The following NALF1 variants were observed in gnomAD, a reference collection of about 807,000 sequenced individuals.
NALF1 encodes the protein NALCN channel auxiliary factor 1.
NALF1 carries 3 observed loss-of-function variants against 48.4 expected under a neutral mutation model. That is an observed-to-expected ratio of 0.06 (90% CI 0.03 to 0.16). NALF1 has a LOEUF of 0.16. Among genes scored for constraint, NALF1 ranks in the 10% least tolerant of loss-of-function variants. NALF1 has a pLI of 1.00. For missense variants in NALF1, 526 were observed against 571.5 expected, an observed-to-expected ratio of 0.92 and a Z score of 0.81; for synonymous variants, 262 against 245.7, an observed-to-expected ratio of 1.07 and a Z score of -0.62.
At chr13:107,399,651 C>T (rs1221690089) in intron 1 of NALF1, among the ~76,000 whole-genome samples, 1 of 152,108 alleles carries the variant, frequency 6.6e-6, no homozygotes, top group Non-Finnish European at 1.5e-5. Context: ...ATTTCCTAAA[C>T]AGTGCAGCTC....
intron 1 of NALF1, among the ~76,000 whole-genome samples, chr13:107,703,595 C>T (rs1273840088): frequency 1.3e-5 from 2 of 152,046 alleles, no homozygotes; most frequent in East Asian, 3.9e-4. Flanking sequence ...ACTCGTGATC[C>T]GCCCACCTCG....
chr13:107,207,440 T>C (rs1231492336), intron 2 of NALF1, among the ~76,000 whole-genome samples: 5 of 152,232 alleles, frequency 3.3e-5, no homozygotes, highest in Non-Finnish European at 5.9e-5. Context: ...ACAAATTATA[T>C]GCACATATGT....
intron 1 of NALF1, among the ~76,000 whole-genome samples, chr13:107,230,942 C>T (rs752634644): frequency 2.6e-5 from 4 of 151,468 alleles, no homozygotes; most frequent in Non-Finnish European, 5.9e-5. Flanking sequence ...TGCCTATAAT[C>T]CCAGCTACTC....
At chr13:107,642,411 T>C (rs752546882) in intron 1 of NALF1, among the ~76,000 whole-genome samples, 4 of 152,240 alleles carry the variant, frequency 2.6e-5, no homozygotes, top group East Asian at 3.8e-4. Flanking sequence ...TAAGGCATTA[T>C]AGAATTTTGG....
intron 1 of NALF1, among the ~76,000 whole-genome samples, chr13:107,654,655 A>G (rs978869181): frequency 3.0e-4 from 45 of 152,088 alleles, no homozygotes; most frequent in African/African-American, 1.0e-3. Context: ...TGAAGCCAGT[A>G]TCACCCTAAT....
At chr13:107,476,322 T>A (rs983078183) in intron 1 of NALF1, among the ~76,000 whole-genome samples, 1 of 152,126 alleles carries the variant, frequency 6.6e-6, no homozygotes, top group Non-Finnish European at 1.5e-5. Flanking sequence ...TATAAAGAGT[T>A]ATGATACAAA....
At chr13:107,691,645 C>A (rs554835409) in intron 1 of NALF1, among the ~76,000 whole-genome samples, 1 of 152,240 alleles carries the variant, frequency 6.6e-6, no homozygotes, top group South Asian at 2.1e-4. Flanking sequence ...GCAATTTATT[C>A]TCATATACTA....
At chr13:107,649,242 C>T (rs1219111229) in intron 1 of NALF1, among the ~76,000 whole-genome samples, 1 of 152,192 alleles carries the variant, frequency 6.6e-6, no homozygotes, top group Non-Finnish European at 1.5e-5. Context: ...CATGTGGGAA[C>T]TGTCAATCTT....
chr13:107,230,165 A>G (rs368014817), intron 1 of NALF1, among the ~76,000 whole-genome samples: 1 of 152,210 alleles, frequency 6.6e-6, no homozygotes, highest in East Asian at 1.9e-4. Context: ...TCATGAGTAC[A>G]TTAACTTTAT....
rs1473351471 is a variant in NALF1 at position 107,644,621 on chromosome 13, G to C, written c.915+221061C>G. On this transcript the variant is annotated intron_variant, in intron 1 of 2. Transcript: ENST00000375915. ...TTTAAAAAAGACATTTAGAGTGTGTGTGTGTATACATACATACATACATAC... is the reference window on the plus strand; with the variant it reads ...TTTAAAAAAGACATTTAGAGTGTGTCTGTGTATACATACATACATACATAC... Among the ~76,000 whole-genome samples the C allele has an allele frequency of 4.0e-5, 4 of 99,672 alleles. No individual in the cohort carries two copies. In the Admixed American group the frequency reaches 4.8e-4, roughly 12 times the overall value. The allele number at this position is 99,672 out of a possible 152,430, so 65.4% of individuals were successfully genotyped here.
At chr13:107,261,937 C>T (rs555351513) in intron 1 of NALF1, among the ~76,000 whole-genome samples, 6 of 152,262 alleles carry the variant, frequency 3.9e-5, no homozygotes, top group South Asian at 4.1e-4. Flanking sequence ...CCGCCTCTCC[C>T]GCATCCTCCA....
intron 1 of NALF1, among the ~76,000 whole-genome samples, chr13:107,745,696 G>A (rs1876763083): frequency 6.6e-6 from 1 of 152,042 alleles, no homozygotes. Context: ...GGGTGATATG[G>A]TTTGGCTGTG....
intron 1 of NALF1, among the ~76,000 whole-genome samples, chr13:107,488,350 TTTAG>T (rs1885363062): frequency 6.6e-6 from 1 of 152,088 alleles, no homozygotes; most frequent in Non-Finnish European, 1.5e-5. Flanking sequence ...CTCTAGTTCT[TTTAG>T]TTGTGATGTT....
At chr13:107,510,137 A>G (rs749052890) in intron 1 of NALF1, among the ~76,000 whole-genome samples, 34 of 152,124 alleles carry the variant, frequency 2.2e-4, no homozygotes, top group Non-Finnish European at 3.8e-4. Flanking sequence ...TTCCTTTTAT[A>G]AAATCCATAT....
chr13:107,298,165 T>C (rs538880156), intron 1 of NALF1, among the ~76,000 whole-genome samples: 4 of 151,548 alleles, frequency 2.6e-5, no homozygotes, highest in South Asian at 2.1e-4. Flanking sequence ...CTGGCTAACA[T>C]GGTGAAACCC....
intron 1 of NALF1, chr13:107,789,026 G>C (rs999679495): frequency 6.6e-6 from 1 of 152,178 alleles, no homozygotes; most frequent in Non-Finnish European, 1.5e-5. Context: ...CTGTGGTGAG[G>C]AAACTGTCAG....
chr13:107,742,647 A>C (rs1876672838), intron 1 of NALF1, among the ~76,000 whole-genome samples: 1 of 152,194 alleles, frequency 6.6e-6, no homozygotes, highest in Non-Finnish European at 1.5e-5. Context: ...TAAATTACCC[A>C]GTCTCAGATA....
intron 1 of NALF1, among the ~76,000 whole-genome samples, chr13:107,551,297 C>A (rs1218154753): frequency 6.6e-6 from 1 of 152,048 alleles, no homozygotes; most frequent in Non-Finnish European, 1.5e-5. Context: ...TATGCAAATT[C>A]CCATTTATTT....
intron 1 of NALF1, among the ~76,000 whole-genome samples, chr13:107,802,673 T>G (rs73587705): frequency 0.028 from 4,207 of 152,226 alleles, 192 homozygotes; most frequent in African/African-American, 0.096. Flanking sequence ...TGTTTTTTTA[T>G]ATATCAGTGT....
Sources: allele counts gnomAD v4.1 joint callset (sites outside exome capture counted in the v4.1 genomes callset), GRCh38; gene constraint gnomAD v4.1.1; transcripts MANE v1.5; gene names NCBI Gene and HGNC (gene_info 2026-07-23, HGNC 2026-07-21).